Variants in PDK1 observed in about 807,000 individuals in gnomAD.
PDK1 encodes the protein pyruvate dehydrogenase kinase 1.
PDK1 carries 39 observed loss-of-function variants against 54.2 expected under a neutral mutation model. The observed-to-expected ratio is 0.72, with a 90% CI of 0.56 to 0.94. The LOEUF is 0.94. Among genes scored for constraint, PDK1 ranks in the 40% least tolerant of loss-of-function variants. PDK1 has a pLI of 0.00. For missense variants in PDK1, 552 were observed against 566.0 expected (o/e 0.98, Z 0.25); for synonymous variants, 221 against 207.1 (o/e 1.07, Z -0.58).
At chr2:172,706,380 A>ACATCTCTGT in the PDK1 span, among the ~76,000 whole-genome samples, 1 of 151,242 alleles carries the variant, frequency 6.6e-6, no homozygotes, top group Admixed American at 6.6e-5. Flanking sequence ...GACAATTCCA[A>ACATCTCTGT]CATCTCTGTC....
the PDK1 span, among the ~76,000 whole-genome samples, chr2:172,621,602 T>A: frequency 6.8e-6 from 1 of 147,856 alleles, no homozygotes; most frequent in African/African-American, 2.5e-5. Context: ...ATATGATATA[T>A]GTTTATATAT....
chr2:172,628,647 C>T, the PDK1 span, among the ~76,000 whole-genome samples: 1 of 152,280 alleles, frequency 6.6e-6, no homozygotes, highest in East Asian at 1.9e-4. Flanking sequence ...ACTATCACAT[C>T]TCACTCTATT....
At chr2:172,662,722 A>G in the PDK1 span, among the ~76,000 whole-genome samples, 1 of 152,172 alleles carries the variant, frequency 6.6e-6, no homozygotes, top group African/African-American at 2.4e-5. Context: ...AGACAACCCT[A>G]CAAAGCACTT....
At chr2:172,654,271 A>G in the PDK1 span, among the ~76,000 whole-genome samples, 1 of 152,244 alleles carries the variant, frequency 6.6e-6, no homozygotes, top group Non-Finnish European at 1.5e-5. Flanking sequence ...TTTACTGGGC[A>G]TATACCCAAA....
chr2:172,714,293 A>G, the PDK1 span, among the ~76,000 whole-genome samples: 1 of 152,182 alleles, frequency 6.6e-6, no homozygotes, highest in South Asian at 2.1e-4. Flanking sequence ...AAATACCAGA[A>G]CAGTTTTATA....
At chr2:172,702,248 G>C in the PDK1 span, among the ~76,000 whole-genome samples, 1 of 152,000 alleles carries the variant, frequency 6.6e-6, no homozygotes, top group East Asian at 1.9e-4. Flanking sequence ...AGGCCGAAGC[G>C]GGCAGATTAC....
At position 172,558,690 on chromosome 2, in the gene PDK1, C is replaced by G. The variant is rs757929649; in HGVS notation, c.197-18C>G. On this transcript the variant is annotated intron_variant, in intron 1 of 10. Coordinates refer to ENST00000282077, the MANE Select transcript of PDK1 (RefSeq NM_002610.5). ...TATGGCTTTTACTTACTGCTTTACC[C>G]ATCATGTTTGGTTTCAGGATCAGTG... The G allele has an allele frequency of 5.7e-6, 9 of 1,586,880 alleles. No homozygotes were observed. The highest frequency in any genetic ancestry group is 7.7e-6 in the Non-Finnish European group (9 of 1,170,968).
chr2:172,600,097 GAGA>G lies in PDK1; in HGVS notation c.*4131_*4133del, dbSNP rs1230917909. ...CATCTACTTATAAGTTAAAAATGCT[GAGA>G]AGGTTTTTTTTGGAAACAGTTTATG... On this transcript the variant is annotated 3_prime_UTR_variant, in exon 11 of 11. Coordinates refer to ENST00000282077, the MANE Select transcript of PDK1 (RefSeq NM_002610.5). The G allele has an allele frequency of 6.6e-6, 1 of 152,148 alleles. No individual in the cohort carries two copies. The highest frequency in any genetic ancestry group is 1.9e-4 in the East Asian group (1 of 5,194). The allele number at this position is 152,148 out of a possible 1,614,324, so 9.4% of individuals were successfully genotyped here. A position where few individuals can be genotyped will look rare whatever the true frequency, so the allele number is the denominator to read the frequency against.
the PDK1 span, among the ~76,000 whole-genome samples, chr2:172,709,405 C>G: frequency 6.6e-6 from 1 of 152,064 alleles, no homozygotes; most frequent in Non-Finnish European, 1.5e-5. Context: ...ACCAAATGAC[C>G]CATCAATATG....
At chr2:172,663,202 CCT>C in the PDK1 span, among the ~76,000 whole-genome samples, 6 of 152,122 alleles carry the variant, frequency 3.9e-5, no homozygotes, top group Non-Finnish European at 8.8e-5. Flanking sequence ...CCAGTTTCTC[CCT>C]CTGTCTTCAC....
At chr2:172,686,198 C>T in the PDK1 span, among the ~76,000 whole-genome samples, 3 of 152,182 alleles carry the variant, frequency 2.0e-5, no homozygotes, top group African/African-American at 4.8e-5. Context: ...GCCCTAGAAA[C>T]ACAGCCCAGC....
At chr2:172,586,539 G>A (rs968170504) in intron 9 of PDK1, 151 bp downstream of exon 9, 1 of 505,126 alleles carries the variant, frequency 2.0e-6, no homozygotes, top group Admixed American at 3.5e-5. Flanking sequence ...AATTTAAACA[G>A]CCTTCAGAAT....
chr2:172,586,371 TC>T lies in PDK1; in HGVS notation c.1042del (p.Arg348AlafsTer26). ...STAPRPRVETSRAVPLAGFGY... is the reference protein window; with the variant it reads ...STAPRPRVETXRAVPLAGFGY... ...TGCACCAAGACCTCGTGTTGAGACCTCCCGCGCAGTGCCTCTGGTATGTTAT... is the reference window on the plus strand; with the variant it reads ...TGCACCAAGACCTCGTGTTGAGACCTCCGCGCAGTGCCTCTGGTATGTTAT... On this transcript the variant is annotated frameshift_variant, in exon 9 of 11. Coordinates refer to ENST00000282077, the MANE Select transcript of PDK1 (RefSeq NM_002610.5). LOFTEE classifies it high-confidence loss of function. 2 of 1,597,650 alleles carry T rather than the reference TC, an allele frequency of 1.3e-6. No individual in the cohort carries two copies. Among genetic ancestry groups the T allele is most frequent in the Non-Finnish European group, 8.6e-7 (1 of 1,165,224 alleles).
chr2:172,714,074 C>T, the PDK1 span, among the ~76,000 whole-genome samples: 1 of 152,234 alleles, frequency 6.6e-6, no homozygotes, highest in African/African-American at 2.4e-5. Flanking sequence ...ACTGGTACCA[C>T]TAATTTATTT....
At chr2:172,660,874 G>T in the PDK1 span, among the ~76,000 whole-genome samples, 2 of 152,032 alleles carry the variant, frequency 1.3e-5, no homozygotes, top group African/African-American at 4.8e-5. Context: ...GCCCAAGCCA[G>T]AGTTCCAGCT....
At chr2:172,648,529 C>T in the PDK1 span, among the ~76,000 whole-genome samples, 419 of 152,120 alleles carry the variant, frequency 2.8e-3, no homozygotes, top group African/African-American at 8.6e-3. Context: ...CAGAGTAGAG[C>T]GGGGCATCGC....
chr2:172,687,837 G>A, the PDK1 span, among the ~76,000 whole-genome samples: 28 of 152,226 alleles, frequency 1.8e-4, no homozygotes, highest in African/African-American at 3.1e-4. Context: ...CAATTGCCCC[G>A]ACAAGATGGG....
the PDK1 span, among the ~76,000 whole-genome samples, chr2:172,648,957 C>T: frequency 6.6e-6 from 1 of 152,222 alleles, no homozygotes; most frequent in South Asian, 2.1e-4. Context: ...ACTTAAACAT[C>T]CCTGTCTGAC....
chr2:172,650,609 G>C, the PDK1 span, among the ~76,000 whole-genome samples: 3 of 152,016 alleles, frequency 2.0e-5, no homozygotes, highest in Non-Finnish European at 4.4e-5. Flanking sequence ...GACACACATA[G>C]GCTCAAAATA....
Sources: allele counts gnomAD v4.1 joint callset (sites outside exome capture counted in the v4.1 genomes callset), GRCh38; gene constraint gnomAD v4.1.1; transcripts MANE v1.5; gene names NCBI Gene and HGNC (gene_info 2026-07-23, HGNC 2026-07-21).